LRRC75A: variants seen among roughly 807,000 people sequenced by gnomAD.
LRRC75A encodes leucine-rich repeat-containing protein 75A.
LRRC75A carries 12 observed loss-of-function variants against 26.0 expected under a neutral mutation model. The observed-to-expected ratio is 0.46, with a 90% CI of 0.30 to 0.75. The LOEUF (loss-of-function observed/expected upper bound fraction) is 0.75. LRRC75A is among the 30% of genes least tolerant of loss of function. The pLI is 0.08. For synonymous variants in LRRC75A, 223 were observed against 219.3 expected (o/e 1.02, Z -0.15); for missense variants, 410 against 486.6 (o/e 0.84, Z 1.48).
intron 3 of LRRC75A, among the ~76,000 whole-genome samples, chr17:16,445,147 C>A (rs1312390879): frequency 3.5e-5 from 5 of 143,698 alleles, no homozygotes; most frequent in Non-Finnish European, 7.5e-5. Flanking sequence ...ACACGCCTGG[C>A]CATTTTCTGC....
At chr17:16,454,868 C>T (rs2143018183) in intron 2 of LRRC75A, among the ~76,000 whole-genome samples, 1 of 151,756 alleles carries the variant, frequency 6.6e-6, no homozygotes, top group South Asian at 2.1e-4. Flanking sequence ...ATGTAATCCT[C>T]CTGTATCAGC....
chr17:16,453,243 C>T (rs1007597401), intron 2 of LRRC75A, among the ~76,000 whole-genome samples: 6 of 152,004 alleles, frequency 3.9e-5, no homozygotes, highest in Non-Finnish European at 5.9e-5. Context: ...GAGCCGAGAT[C>T]GCGCCACTGA....
At position 16,443,222 on chromosome 17, in the gene LRRC75A, T is replaced by G. The variant is rs1039716349; in HGVS notation, c.*366A>C. On this transcript the variant is annotated 3_prime_UTR_variant, in exon 4 of 4. Transcript: ENST00000470794. ...AGTACATGTAGGGGCCCTACTGTATTCTTTTTCTGGGGGAAAGCTCTTGGT... is the reference window on the plus strand; with the variant it reads ...AGTACATGTAGGGGCCCTACTGTATGCTTTTTCTGGGGGAAAGCTCTTGGT... The G allele has an allele frequency of 1.3e-5, 3 of 239,618 alleles. No individual in the cohort carries two copies. The highest frequency in any genetic ancestry group is 2.4e-5 in the Non-Finnish European group (3 of 123,842). The allele number at this position is 239,618 out of a possible 1,614,324, so 14.8% of individuals were successfully genotyped here. A position where few individuals can be genotyped will look rare whatever the true frequency, so the allele number is the denominator to read the frequency against.
intron 2 of LRRC75A, among the ~76,000 whole-genome samples, chr17:16,449,109 T>C (rs564557305): frequency 6.6e-6 from 1 of 152,084 alleles, no homozygotes; most frequent in South Asian, 2.1e-4. Context: ...CGCTGAGGCT[T>C]GGATGCAAGC....
At chr17:16,447,699 G>T in intron 3 of LRRC75A, 146 bp downstream of exon 3, 1 of 608,356 alleles carries the variant, frequency 1.6e-6, no homozygotes. Flanking sequence ...CCCCACTCTG[G>T]AATCCTCCTT....
At position 16,488,394 on chromosome 17, in the gene LRRC75A, T is replaced by C. The variant is rs149459262; in HGVS notation, c.246+3351A>G. Among the ~76,000 whole-genome samples, 1,511 of 152,360 alleles carry C rather than the reference T, an allele frequency of 9.9e-3. 33 individuals are homozygous for C. The highest frequency in any genetic ancestry group is 0.034 in the African/African-American group (1,425 of 41,590). ...TGGAATCCAAAAAATTCTTGGGCCA[T>C]GCCTGAGAAAGGATGCCACAACCCT... On this transcript the variant is annotated intron_variant, in intron 1 of 3. Transcript: ENST00000470794.
intron 1 of LRRC75A, among the ~76,000 whole-genome samples, chr17:16,466,883 G>A (rs938120521): frequency 6.6e-6 from 1 of 152,122 alleles, no homozygotes; most frequent in Non-Finnish European, 1.5e-5. Context: ...GTAGACTTTG[G>A]GGAAGCACCC....
intron 2 of LRRC75A, among the ~76,000 whole-genome samples, chr17:16,449,629 T>C (rs1242228896): frequency 6.6e-6 from 1 of 152,106 alleles, no homozygotes; most frequent in Admixed American, 6.5e-5. Context: ...TAATTTAATT[T>C]ATTTTTTGAG....
At chr17:16,464,056 A>C (rs17715447) in intron 1 of LRRC75A, 32,468 of 152,306 alleles carry the variant, frequency 0.21, 3,874 homozygotes, top group Middle Eastern at 0.31. Context: ...TTGGAGCCCA[A>C]CTGCCAGCCA....
At chr17:16,447,462 G>T (rs2093595621) in intron 3 of LRRC75A, among the ~76,000 whole-genome samples, 1 of 152,058 alleles carries the variant, frequency 6.6e-6, no homozygotes, top group Non-Finnish European at 1.5e-5. Context: ...GCACCACCAC[G>T]CCTGGCTAAT....
chr17:16,448,752 AG>A (rs1303845021), intron 2 of LRRC75A, among the ~76,000 whole-genome samples: 1 of 152,234 alleles, frequency 6.6e-6, no homozygotes, highest in African/African-American at 2.4e-5. Context: ...AGACATGCAG[AG>A]GAACAACCAC....
chr17:16,488,501 A>G (rs2093851326), intron 1 of LRRC75A, among the ~76,000 whole-genome samples: 1 of 152,218 alleles, frequency 6.6e-6, no homozygotes, highest in Non-Finnish European at 1.5e-5. Context: ...CTTGAATGGC[A>G]GCACCAACAC....
At chr17:16,484,908 C>A (rs770642624) in intron 1 of LRRC75A, among the ~76,000 whole-genome samples, 2 of 151,650 alleles carry the variant, frequency 1.3e-5, no homozygotes, top group African/African-American at 2.4e-5. Flanking sequence ...TGAGCAGCAG[C>A]CGTCGGCAGA....
chr17:16,488,345 C>T (rs187171865), intron 1 of LRRC75A, among the ~76,000 whole-genome samples: 1 of 152,330 alleles, frequency 6.6e-6, no homozygotes, highest in African/African-American at 2.4e-5. Flanking sequence ...GTTTTTGATC[C>T]AGACTGAACC....
In LRRC75A at chr17:16,488,818, G is replaced by C. The variant is rs187437220; in HGVS notation, c.246+2927C>G. Among the ~76,000 whole-genome samples the C allele has an allele frequency of 3.9e-5, 6 of 152,338 alleles. No individual in the cohort carries two copies. The East Asian group carries it at 1.2e-3, about 29-fold the overall frequency. On this transcript the variant is annotated intron_variant, in intron 1 of 3. Coordinates refer to ENST00000470794, the MANE Select transcript of LRRC75A (RefSeq NM_001113567.3). ...CTGATACCTCTCCAGCAAGTGACAA[G>C]CTGGAGAGACGCCCTCCAAATCTTA... is the stretch of plus-strand genomic sequence containing the variant.
intron 2 of LRRC75A, among the ~76,000 whole-genome samples, chr17:16,451,339 G>A (rs2093628742): frequency 6.6e-6 from 1 of 152,168 alleles, no homozygotes; most frequent in South Asian, 2.1e-4. Flanking sequence ...GAGAATAGGG[G>A]CCAGGCACGG....
chr17:16,443,755 G>C lies in LRRC75A; in HGVS notation c.868C>G (p.Pro290Ala). 1 of 1,613,862 alleles carries C rather than the reference G, an allele frequency of 6.2e-7. No individual in the cohort carries two copies. The highest frequency in any genetic ancestry group is 2.2e-5 in the East Asian group (1 of 44,870). The change falls in exon 4 of 4, where the codon CCA becomes GCA. Residue 290 changes from proline (P) to alanine (A), a missense_variant. Coordinates refer to ENST00000470794, the MANE Select transcript of LRRC75A (RefSeq NM_001113567.3). ...ATGGTGGGTAGGTGGCCCTGCTTTG[G>C]GGAGCGCTTGCGCAGGCTGAGCAGG... ...PFLLSLRKRS[P>A]KQGHLPTILE... is the part of the protein sequence containing the mutation.
chr17:16,460,339 C>T (rs2093718057), intron 2 of LRRC75A, among the ~76,000 whole-genome samples: 1 of 152,244 alleles, frequency 6.6e-6, no homozygotes, highest in Admixed American at 6.5e-5. Context: ...GGCCCCGCCT[C>T]TACCCAGATG....
intron 1 of LRRC75A, among the ~76,000 whole-genome samples, chr17:16,488,817 A>C (rs2093851870): frequency 6.6e-6 from 1 of 152,188 alleles, no homozygotes; most frequent in Admixed American, 6.5e-5. Context: ...GCAAGTGACA[A>C]GCTGGAGAGA....
Sources: allele counts gnomAD v4.1 joint callset (sites outside exome capture counted in the v4.1 genomes callset), GRCh38; gene constraint gnomAD v4.1.1; transcripts MANE v1.5; gene names NCBI Gene and HGNC (gene_info 2026-07-23, HGNC 2026-07-21).